BLOC1S3: variants seen among roughly 807,000 people sequenced by gnomAD.
The protein encoded by BLOC1S3 is biogenesis of lysosomal organelles complex 1 subunit 3.
BLOC1S3 carries 7 observed loss-of-function variants against 9.1 expected under a neutral mutation model. That is an observed-to-expected ratio of 0.77 (90% CI 0.44 to 1.45). The LOEUF is 1.45. Among genes scored for constraint, BLOC1S3 ranks in the 40% most tolerant of loss-of-function variants. The probability of loss-of-function intolerance (pLI) is 0.01; values close to 1 mark genes in which losing one functional copy is unlikely to be tolerated. For missense variants in BLOC1S3, 307 were observed against 315.2 expected (o/e 0.97, Z 0.20); for synonymous variants, 145 against 158.4 (o/e 0.92, Z 0.64).
downstream of BLOC1S3, among the ~76,000 whole-genome samples, chr19:45,186,118 A>T (rs532484593): frequency 2.9e-4 from 42 of 146,612 alleles, no homozygotes; most frequent in South Asian, 8.6e-3. Flanking sequence ...GTCTCAAAAT[A>T]AAAAAAAAGA....
chr19:45,194,796 G>T (rs1287850417), intron 2 of BLOC1S3, among the ~76,000 whole-genome samples: 1 of 152,164 alleles, frequency 6.6e-6, no homozygotes, highest in Non-Finnish European at 1.5e-5. Flanking sequence ...GCAGTTAATT[G>T]GGGAGGAGGC....
intron 2 of BLOC1S3, chr19:45,199,088 T>G (rs1969670392): frequency 6.6e-6 from 1 of 152,164 alleles, no homozygotes; most frequent in Non-Finnish European, 1.5e-5. Context: ...AGTTTGATTA[T>G]TAAATGCCTT....
chr19:45,213,049 G>A (rs1366561322), intron 3 of BLOC1S3: 1 of 1,467,002 alleles, frequency 6.8e-7, no homozygotes. Flanking sequence ...GGGTCACTAA[G>A]GCCGGCGGTT....
rs1969492570 is a variant in BLOC1S3 at position 45,179,969 on chromosome 19, ACT to A, written c.*67_*68del. The A allele has an allele frequency of 1.5e-5, 23 of 1,555,506 alleles. No individual in the cohort carries two copies. The South Asian group carries it at 1.8e-4, about 12-fold the overall frequency. On this transcript the variant is annotated 3_prime_UTR_variant, in exon 2 of 2. Coordinates refer to ENST00000433642, the MANE Select transcript of BLOC1S3 (RefSeq NM_212550.5). The surrounding 1 kb of genome is among the most constrained non-coding windows in gnomAD (Gnocchi z 4.6). ...TAGGCCTTGCTGCCTCTGGGACCTG[ACT>A]CTGTCTCCTGTGTCTCTTATCACCC...
chr19:45,202,423 CACCACT>C (rs1969698463), exon 3 of BLOC1S3: 1 of 155,344 alleles, frequency 6.4e-6, no homozygotes, highest in Non-Finnish European at 1.4e-5. Flanking sequence ...TCTCTGTGGC[CACCACT>C]GCTCCAGGCC....
chr19:45,202,932 A>G (rs1056463521), intron 3 of BLOC1S3, among the ~76,000 whole-genome samples: 1 of 152,064 alleles, frequency 6.6e-6, no homozygotes, highest in African/African-American at 2.4e-5. Flanking sequence ...GGGTGTGTCC[A>G]AAAATGTCAT....
intron 2 of BLOC1S3, among the ~76,000 whole-genome samples, chr19:45,200,738 G>C (rs1303692238): frequency 6.6e-6 from 1 of 152,160 alleles, no homozygotes; most frequent in Non-Finnish European, 1.5e-5. Flanking sequence ...GCTGGGCATT[G>C]ATGAGTTCAG....
In BLOC1S3 at chr19:45,180,040, C is replaced by G; in HGVS notation, c.*135C>G. On this transcript the variant is annotated 3_prime_UTR_variant, in exon 2 of 2. Transcript: ENST00000433642. ...TTGGTGTCACCCATGGGGGCTAATCCGGTCCCCTTGGATAATGCTTTATAT... is the reference window on the plus strand; with the variant it reads ...TTGGTGTCACCCATGGGGGCTAATCGGGTCCCCTTGGATAATGCTTTATAT... 1.0e-6 allele frequency: 1 copy of G among 996,192 alleles called. No homozygotes were observed. Among genetic ancestry groups the G allele is most frequent in the South Asian group, 1.7e-5 (1 of 60,468 alleles). 61.7% of individuals were successfully genotyped at this position (996,192 alleles called of 1,614,324 possible).
intron 3 of BLOC1S3, among the ~76,000 whole-genome samples, chr19:45,202,773 G>A (rs543344691): frequency 4.6e-5 from 7 of 152,074 alleles, no homozygotes; most frequent in Non-Finnish European, 7.4e-5. Flanking sequence ...AAATCAGCAC[G>A]GCACTGGGTC....
At chr19:45,204,492 C>T (rs534387874) in intron 3 of BLOC1S3, among the ~76,000 whole-genome samples, 1 of 151,850 alleles carries the variant, frequency 6.6e-6, no homozygotes, top group Non-Finnish European at 1.5e-5. Flanking sequence ...TGCACCCTGC[C>T]AAATGAGCCA....
chr19:45,193,401 A>C (rs1333864027), intron 2 of BLOC1S3, among the ~76,000 whole-genome samples: 1 of 152,078 alleles, frequency 6.6e-6, no homozygotes, highest in Non-Finnish European at 1.5e-5. Context: ...TATTGGTTGT[A>C]TATCATTTTC....
At chr19:45,215,688 A>G (rs908661880) in intron 3 of BLOC1S3, among the ~76,000 whole-genome samples, 2 of 152,066 alleles carry the variant, frequency 1.3e-5, no homozygotes, top group African/African-American at 4.8e-5. Context: ...AAAGGAAGTG[A>G]CCTGGCAGGA....
In BLOC1S3 at chr19:45,179,245, C is replaced by T. The variant is rs936019878; in HGVS notation, c.-9-43C>T. The T allele has an allele frequency of 6.8e-7, 1 of 1,464,806 alleles. No homozygotes were observed. Among genetic ancestry groups the T allele is most frequent in the Non-Finnish European group, 9.0e-7 (1 of 1,111,996 alleles). The allele number at this position is 1,464,806 out of a possible 1,614,324, so 90.7% of individuals were successfully genotyped here. A position where few individuals can be genotyped will look rare whatever the true frequency, so the allele number is the denominator to read the frequency against. On this transcript the variant is annotated intron_variant, in intron 1 of 1. Transcript: ENST00000433642. The surrounding 1 kb of genome is among the most constrained non-coding windows in gnomAD (Gnocchi z 4.6). ...CAGGACCTGCGCCTTTTACCCACCG[C>T]GGCGCCGGTCTCACGTGCAGTCCCT...
chr19:45,179,291 G>C lies in BLOC1S3; in HGVS notation c.-6G>C, dbSNP rs1040820372. Reference sequence around the variant, plus strand: ...TCCCTTCGCTCTTCTCCCCTAGTTCGGTGCCATGGCGTCCCAGGGTCGTCG... The same window carrying C: ...TCCCTTCGCTCTTCTCCCCTAGTTCCGTGCCATGGCGTCCCAGGGTCGTCG... On this transcript the variant is annotated 5_prime_UTR_variant, in exon 2 of 2. Transcript: ENST00000433642. This position sits in a 1 kb window ranked among gnomAD's most constrained non-coding sequence, Gnocchi z 4.6. 4 of 1,575,576 alleles carry C rather than the reference G, an allele frequency of 2.5e-6. No homozygotes were observed. The highest frequency in any genetic ancestry group is 3.4e-6 in the Non-Finnish European group (4 of 1,169,850).
rs1054281226 is a variant in BLOC1S3 at position 45,206,450 on chromosome 19, GTTTT to G, written n.282+3963_282+3966del. On this transcript the variant is annotated intron_variant and non_coding_transcript_variant, in intron 3 of 3. Coordinates refer to the BLOC1S3 transcript ENST00000591569. ...TTCCACCTTCTTTTGGATTAATCAA[GTTTT>G]TTTTTTTTTTTTTTTTTTTGAGCAA... 7.0e-3 allele frequency among the ~76,000 whole-genome samples: 385 copies of G among 55,130 alleles called. 23 individuals carry two copies. The highest frequency in any genetic ancestry group is 0.034 in the African/African-American group (363 of 10,610). 36.2% of individuals were successfully genotyped at this position (55,130 alleles called of 152,430 possible).
At chr19:45,212,910 T>G in intron 3 of BLOC1S3, 6 of 805,246 alleles carry the variant, frequency 7.5e-6, no homozygotes, top group Non-Finnish European at 8.9e-6. Flanking sequence ...TTTGTTTCCC[T>G]TCTGTACAGG....
At position 45,179,321 on chromosome 19, in the gene BLOC1S3, A is replaced by T. The variant is rs769359711; in HGVS notation, c.25A>T (p.Arg9Trp). The change falls in exon 2 of 2, where the codon AGG becomes TGG. Residue 9 changes from arginine (R) to tryptophan (W), a missense_variant. Physicochemically the swap from Arg to Trp is moderately radical, Grantham distance 101. Transcript: ENST00000433642. This position sits in a 1 kb window ranked among gnomAD's most constrained non-coding sequence, Gnocchi z 4.6. MASQGRRR[R>W]PLRRPETVVP... ...CATGGCGTCCCAGGGTCGTCGGCGG[A>T]GGCCCCTGCGGAGGCCGGAGACGGT... 2 of 1,584,410 alleles carry T rather than the reference A, an allele frequency of 1.3e-6. No homozygotes were observed. The highest frequency in any genetic ancestry group is 1.7e-6 in the Non-Finnish European group (2 of 1,173,862).
chr19:45,197,079 G>A (rs1466362585), intron 2 of BLOC1S3, among the ~76,000 whole-genome samples: 2 of 151,860 alleles, frequency 1.3e-5, no homozygotes, highest in African/African-American at 2.4e-5. Flanking sequence ...TGGGATGCTG[G>A]GAGTGGAGGG....
chr19:45,197,002 T>C (rs1032000942), intron 2 of BLOC1S3, among the ~76,000 whole-genome samples: 4 of 151,050 alleles, frequency 2.6e-5, no homozygotes, highest in African/African-American at 9.7e-5. Flanking sequence ...TTGCAGGGGG[T>C]ATGGTCCCAC....
Sources: gnomAD v4.1 joint callset for allele counts (sites outside exome capture counted in the v4.1 genomes callset) on GRCh38, gnomAD v4.1.1 for gene constraint, Gnocchi (gnomAD v3.1) non-coding constraint, MANE v1.5 for transcripts, NCBI Gene and HGNC (gene_info 2026-07-23, HGNC 2026-07-21) for gene names.